The following BTBD16 variants were observed in gnomAD, a reference collection of about 807,000 sequenced individuals.
BTBD16 encodes the protein BTB/POZ domain-containing protein 16.
A neutral mutation model predicts 67.4 loss-of-function variants in BTBD16; 66 were observed. The ratio of observed to expected loss-of-function variants is 0.98; its 90% CI spans 0.80 to 1.20. The LOEUF (loss-of-function observed/expected upper bound fraction) is 1.20, where lower values mean the gene tolerates loss of function less well. Ranked by LOEUF, BTBD16 falls within the 50% of genes most tolerant of loss-of-function variation. BTBD16 has a pLI of 0.00. For missense variants in BTBD16, 634 were observed against 616.0 expected (o/e 1.03, Z -0.31); for synonymous variants, 242 against 236.4 (o/e 1.02, Z -0.22).
rs2096451427 is a variant in BTBD16, at chr10:122,329,547, T to C, written c.979T>C (p.Leu327=). The C allele has an allele frequency of 1.2e-6, 2 of 1,613,880 alleles. No homozygotes were observed. The highest frequency in any genetic ancestry group is 1.1e-5 in the South Asian group (1 of 91,082). The part of the protein sequence containing the change: ...GRSLRPLFLC[L]RLHGITKGKD... Reference sequence around the variant, plus strand: ...GAGCTTGAGGCCGCTCTTCCTCTGCTTGCGTCTGCACGGCATCACCAAAGG... The same window carrying C: ...GAGCTTGAGGCCGCTCTTCCTCTGCCTGCGTCTGCACGGCATCACCAAAGG... The change falls in exon 11 of 16, where the codon TTG becomes CTG. Residue 327 remains leucine (L), a synonymous_variant. Coordinates refer to ENST00000260723, the MANE Select transcript of BTBD16 (RefSeq NM_144587.5).
At position 122,335,094 on chromosome 10, in the gene BTBD16, G is replaced by T. The variant is rs1481018451; in HGVS notation, c.1263+115G>T. On this transcript the variant is annotated intron_variant, in intron 14 of 15. Coordinates refer to ENST00000260723, the MANE Select transcript of BTBD16 (RefSeq NM_144587.5). ...CATTAATTACTCATTGACATGAAAT[G>T]TATTGTAAGTGCTAACCACGCTCAT... 3 of 597,500 alleles carry T rather than the reference G, an allele frequency of 5.0e-6. No individual in the cohort carries two copies. The Admixed American group carries it at 9.8e-5, about 20-fold the overall frequency. 37.0% of individuals were successfully genotyped at this position (597,500 alleles called of 1,614,324 possible).
intron 10 of BTBD16, among the ~76,000 whole-genome samples, chr10:122,324,692 T>G (rs938056639): frequency 7.2e-6 from 1 of 139,206 alleles, no homozygotes; most frequent in Admixed American, 8.7e-5. Flanking sequence ...TCTTGCCTTG[T>G]TGTGTCTTCT....
At chr10:122,337,981 A>G in intron 15 of BTBD16, 36 bp from the exon 16 acceptor site, 3 of 1,566,472 alleles carry the variant, frequency 1.9e-6, no homozygotes, top group Non-Finnish European at 2.6e-6. Context: ...GTTCATCCTA[A>G]AAGTCACATT....
At chr10:122,294,149 C>T (rs1204602145) in intron 7 of BTBD16, 5 of 985,334 alleles carry the variant, frequency 5.1e-6, no homozygotes, top group Non-Finnish European at 6.0e-6. Context: ...CAGGGCGGGC[C>T]TGCACATAGT....
At chr10:122,285,683 G>A (rs967714560) in intron 4 of BTBD16, among the ~76,000 whole-genome samples, 10 of 152,154 alleles carry the variant, frequency 6.6e-5, no homozygotes, top group Non-Finnish European at 1.5e-4. Flanking sequence ...CAACAGGCAC[G>A]TATCTGGCCC....
intron 7 of BTBD16, among the ~76,000 whole-genome samples, chr10:122,293,666 C>T (rs1304448625): frequency 6.6e-6 from 1 of 152,204 alleles, no homozygotes; most frequent in Non-Finnish European, 1.5e-5. Flanking sequence ...TCCCGTGTCC[C>T]TTCCGTTGTA....
intron 11 of BTBD16, among the ~76,000 whole-genome samples, chr10:122,330,262 G>A (rs926654895): frequency 2.6e-5 from 4 of 152,132 alleles, no homozygotes; most frequent in African/African-American, 9.7e-5. Flanking sequence ...GTTGGGGTGA[G>A]GCGTGGTTGT....
chr10:122,309,071 C>T (rs2096408789), intron 10 of BTBD16, among the ~76,000 whole-genome samples: 1 of 152,212 alleles, frequency 6.6e-6, no homozygotes, highest in Non-Finnish European at 1.5e-5. Flanking sequence ...GCTTATGATC[C>T]TTTCTCTTGC....
At chr10:122,335,902 T>C (rs1175804106) in intron 14 of BTBD16, among the ~76,000 whole-genome samples, 2 of 152,190 alleles carry the variant, frequency 1.3e-5, no homozygotes, top group Non-Finnish European at 2.9e-5. Flanking sequence ...GGAGTCTCAC[T>C]CTGTTGCCCA....
At chr10:122,286,010 TC>T (rs1323436466) in intron 4 of BTBD16, 94 bp from the exon 5 acceptor site, 7 of 1,226,620 alleles carry the variant, frequency 5.7e-6, no homozygotes, top group Non-Finnish European at 8.1e-6. Flanking sequence ...TGCTTAATGA[TC>T]CACCGAGCAA....
intron 2 of BTBD16, 89 bp downstream of exon 2, chr10:122,275,188 T>C (rs7080859): frequency 0.39 from 510,201 of 1,311,802 alleles, 101,926 homozygotes; most frequent in East Asian, 0.63. Flanking sequence ...GGGGCTGGGT[T>C]CTGCACCACC....
Position 122,307,306 on chromosome 10 carries a change from G to T in BTBD16, c.909G>T (p.Lys303Asn). Residue 303 changes from lysine to asparagine, a missense_variant and splice_region_variant, in exon 10 of 16, where the codon AAG (lysine) becomes AAT (asparagine). By Grantham distance (94) the Lys-to-Asn change is moderately conservative (BLOSUM62 0). Transcript: ENST00000260723. ...ATGAAACCGTGATGACATTTTTTAA[G>T]AGGTAATATAACTTAGTGTTGATTG... ...PTYETVMTFFKSFPENCCFLD... is the reference protein window; with the variant it reads ...PTYETVMTFFNSFPENCCFLD... The T allele has an allele frequency of 1.2e-6, 2 of 1,605,092 alleles. No individual in the cohort carries two copies. The highest frequency in any genetic ancestry group is 1.7e-6 in the Non-Finnish European group (2 of 1,177,406).
chr10:122,291,113 G>A lies in BTBD16; in HGVS notation c.509G>A (p.Ser170Asn), dbSNP rs976462540. ...ACGGCCCTGAAGAACCTCTACATGA[G>A]TGAGGTGGAGATTAACTTGGAAGAC... is the stretch of plus-strand genomic sequence containing the variant. ...FATALKNLYM[S>N]EVEINLEDLL... Residue 170 changes from serine to asparagine, a missense_variant, in exon 7 of 16, where the codon AGT becomes AAT. Ser to Asn is a conservative substitution (Grantham distance 46, BLOSUM62 1). Transcript: ENST00000260723. 3.7e-6 allele frequency: 6 copies of A among 1,613,534 alleles called. No individual in the cohort carries two copies. In the African/African-American group the frequency reaches 6.7e-5, roughly 18 times the overall value.
At position 122,334,898 on chromosome 10, in the gene BTBD16, G is replaced by A. The variant is rs142762060; in HGVS notation, c.1182G>A (p.Ser394=). 48 of 1,564,492 alleles carry A rather than the reference G, an allele frequency of 3.1e-5. No homozygotes were observed. The highest frequency in any genetic ancestry group is 9.5e-5 in the African/African-American group (7 of 73,518). Reference sequence around the variant, plus strand: ...CAATTTAGGAGAATACAACTTATTCGAAAACGATTGCTCTATATGGATTCT... The same window carrying A: ...CAATTTAGGAGAATACAACTTATTCAAAAACGATTGCTCTATATGGATTCT... ...LLFNQENTTY[S]KTIALYGFFF... The change falls in exon 14 of 16, where the codon TCG becomes TCA. Residue 394 remains serine (S), a synonymous_variant. Transcript: ENST00000260723.
At chr10:122,332,565 G>T (rs2096456953) in intron 13 of BTBD16, 52 bp downstream of exon 13, 2 of 1,569,146 alleles carry the variant, frequency 1.3e-6, no homozygotes, top group Admixed American at 1.7e-5. Flanking sequence ...CTCGTGCTTA[G>T]TTAAGAACCT....
At chr10:122,315,874 T>C (rs542274891) in intron 10 of BTBD16, among the ~76,000 whole-genome samples, 24 of 152,330 alleles carry the variant, frequency 1.6e-4, no homozygotes, top group Admixed American at 9.8e-4. Context: ...TGCTTCAATT[T>C]GATGAGTTCT....
chr10:122,320,774 T>C (rs1590088360), intron 10 of BTBD16, among the ~76,000 whole-genome samples: 2 of 152,330 alleles, frequency 1.3e-5, no homozygotes, highest in East Asian at 3.9e-4. Flanking sequence ...TATTGAGACC[T>C]GTTTTATGGC....
At chr10:122,332,545 A>G in intron 13 of BTBD16, 32 bp downstream of exon 13, 1 of 1,594,418 alleles carries the variant, frequency 6.3e-7, no homozygotes, top group Non-Finnish European at 8.6e-7. Flanking sequence ...CAAGGGGAAG[A>G]ACTGTTCCTC....
chr10:122,284,647 C>T (rs911179843), intron 4 of BTBD16, among the ~76,000 whole-genome samples: 5 of 147,564 alleles, frequency 3.4e-5, no homozygotes, highest in Non-Finnish European at 7.4e-5. Flanking sequence ...CATTGAGCCT[C>T]ATGAGGAGGC....
Sources: allele counts gnomAD v4.1 joint callset (sites outside exome capture counted in the v4.1 genomes callset), GRCh38; gene constraint gnomAD v4.1.1; transcripts MANE v1.5; gene names NCBI Gene and HGNC (gene_info 2026-07-23, HGNC 2026-07-21).